Variants in GRIK2 observed in about 807,000 individuals in gnomAD.
GRIK2 encodes glutamate receptor ionotropic, kainate 2.
In GRIK2, 32 loss-of-function variants were observed where a neutral mutation model predicts 100.3. That is an observed-to-expected ratio of 0.32 (90% CI 0.24 to 0.43). GRIK2 has a LOEUF of 0.43. Ranked by LOEUF, GRIK2 falls within the 20% of genes least tolerant of loss-of-function variation. The pLI, the probability that GRIK2 is intolerant of heterozygous loss-of-function variation, is 1.00. For missense variants in GRIK2, 843 were observed against 1,114.9 expected, an observed-to-expected ratio of 0.76 and a Z score of 3.47; for synonymous variants, 417 against 389.4, an observed-to-expected ratio of 1.07 and a Z score of -0.83.
intron 7 of GRIK2, among the ~76,000 whole-genome samples, chr6:101,706,343 G>A (rs995375428): frequency 4.6e-5 from 7 of 151,830 alleles, no homozygotes; most frequent in African/African-American, 9.7e-5. Flanking sequence ...CCCGATATAT[G>A]TCTGTTGACA....
intron 8 of GRIK2, among the ~76,000 whole-genome samples, chr6:101,800,290 T>A (rs1397840353): frequency 6.6e-6 from 1 of 151,814 alleles, no homozygotes; most frequent in Non-Finnish European, 1.5e-5. Flanking sequence ...AATGCAACCA[T>A]TCTTATGACC....
chr6:102,046,631 T>G (rs943991139), intron 15 of GRIK2, among the ~76,000 whole-genome samples: 1 of 152,154 alleles, frequency 6.6e-6, no homozygotes, highest in Non-Finnish European at 1.5e-5. Context: ...ATTAAAACTC[T>G]TTTCTTCATA....
intron 12 of GRIK2, among the ~76,000 whole-genome samples, chr6:101,905,181 A>G (rs1788138470): frequency 6.6e-6 from 1 of 151,532 alleles, no homozygotes; most frequent in African/African-American, 2.4e-5. Context: ...GACAACTAGC[A>G]ATTTTTATCT....
intron 2 of GRIK2, among the ~76,000 whole-genome samples, chr6:101,584,641 G>T (rs901385266): frequency 5.3e-5 from 8 of 151,936 alleles, no homozygotes; most frequent in African/African-American, 1.9e-4. Context: ...AGCTCCTTCT[G>T]TACTGTACAA....
intron 14 of GRIK2, among the ~76,000 whole-genome samples, chr6:101,975,220 T>TAAG (rs1221238461): frequency 6.6e-6 from 1 of 151,842 alleles, no homozygotes; most frequent in African/African-American, 2.4e-5. Context: ...AGATATCTAG[T>TAAG]AAGAATATAA....
At chr6:101,569,656 TTA>T (rs1777440595) in intron 2 of GRIK2, among the ~76,000 whole-genome samples, 1 of 152,146 alleles carries the variant, frequency 6.6e-6, no homozygotes, top group Non-Finnish European at 1.5e-5. Context: ...AGGGAATTCT[TTA>T]TGTTTATGTT....
intron 14 of GRIK2, among the ~76,000 whole-genome samples, chr6:101,952,899 AT>A (rs1190668567): frequency 6.6e-6 from 1 of 152,168 alleles, no homozygotes; most frequent in African/African-American, 2.4e-5. Context: ...CTTTTTCAAC[AT>A]TTTGAAAATA....
chr6:101,792,146 C>G (rs1385332562), intron 7 of GRIK2, among the ~76,000 whole-genome samples: 1 of 151,532 alleles, frequency 6.6e-6, no homozygotes, highest in Non-Finnish European at 1.5e-5. Context: ...ACTGATGGGT[C>G]TTGACTCTTT....
chr6:101,792,247 A>G (rs971882294), intron 7 of GRIK2, among the ~76,000 whole-genome samples: 40 of 151,234 alleles, frequency 2.6e-4, no homozygotes, highest in Non-Finnish European at 5.3e-4. Context: ...TGATCCTGTC[A>G]TTATGATGAT....
chr6:101,427,071 T>C (rs1389173782), intron 2 of GRIK2, among the ~76,000 whole-genome samples: 2 of 152,158 alleles, frequency 1.3e-5, no homozygotes, highest in East Asian at 3.9e-4. Flanking sequence ...AGAGGCCCCA[T>C]GAGAGGGGCC....
intron 7 of GRIK2, among the ~76,000 whole-genome samples, chr6:101,749,672 T>C (rs1489915937): frequency 6.6e-6 from 1 of 152,144 alleles, no homozygotes; most frequent in African/African-American, 2.4e-5. Flanking sequence ...TTTTCTCTTT[T>C]TGGTAAATAA....
intron 2 of GRIK2, among the ~76,000 whole-genome samples, chr6:101,474,937 T>C (rs1772151584): frequency 6.6e-6 from 1 of 151,894 alleles, no homozygotes; most frequent in Non-Finnish European, 1.5e-5. Context: ...CAGTGATTTT[T>C]TTTCACTCAT....
At chr6:101,989,826 C>G (rs2128491879) in intron 14 of GRIK2, among the ~76,000 whole-genome samples, 1 of 151,446 alleles carries the variant, frequency 6.6e-6, no homozygotes, top group Non-Finnish European at 1.5e-5. Context: ...ATATTAGTTT[C>G]TCTATTTCCT....
At position 101,794,178 on chromosome 6, in the gene GRIK2, C is replaced by G. The variant is rs1027453471; in HGVS notation, c.952-5470C>G. 1.4e-4 allele frequency among the ~76,000 whole-genome samples: 22 copies of G among 152,258 alleles called. No homozygotes were observed. In the East Asian group the frequency reaches 3.9e-3, roughly 27 times the overall value. On this transcript the variant is annotated intron_variant, in intron 7 of 16. Transcript: ENST00000369134. Reference sequence around the variant, plus strand: ...TTGCGCTTCCTGAGTGAGGCAATGCCTCGCCCTGCTTCGGCTCGCGCACAG... The same window carrying G: ...TTGCGCTTCCTGAGTGAGGCAATGCGTCGCCCTGCTTCGGCTCGCGCACAG...
At chr6:101,708,678 T>C (rs1773504473) in intron 7 of GRIK2, among the ~76,000 whole-genome samples, 1 of 151,740 alleles carries the variant, frequency 6.6e-6, no homozygotes, top group Admixed American at 6.6e-5. Flanking sequence ...TCCATAAGAG[T>C]ATTTATATTT....
Position 101,470,628 on chromosome 6 carries a change from G to A in GRIK2, c.115+71236G>A, listed in dbSNP as rs142629906. ...TCTCCTTTTATATCCTGGGGATGGG[G>A]GAAGAGTAGGGTGATGGTTCAAGCC... On this transcript the variant is annotated intron_variant, in intron 2 of 16. Coordinates refer to ENST00000369134, the MANE Select transcript of GRIK2 (RefSeq NM_021956.5). Among the ~76,000 whole-genome samples the A allele has an allele frequency of 4.5e-3, 684 of 152,168 alleles. 3 individuals carry two copies. Among genetic ancestry groups the A allele is most frequent in the African/African-American group, 0.015 (633 of 41,524 alleles).
intron 14 of GRIK2, among the ~76,000 whole-genome samples, chr6:102,025,535 AG>A (rs1197321079): frequency 1.3e-5 from 2 of 151,248 alleles, no homozygotes; most frequent in Non-Finnish European, 3.0e-5. Context: ...TGGAGAAGCG[AG>A]GCACATGGAT....
rs368042331 is a variant in GRIK2 at position 102,018,762 on chromosome 6, G to T, written c.2086-16579G>T. Among the ~76,000 whole-genome samples, 59 of 152,026 alleles carry T rather than the reference G, an allele frequency of 3.9e-4. 1 individual carries two copies. Among genetic ancestry groups the T allele is most frequent in the African/African-American group, 1.4e-3 (58 of 41,502 alleles). On this transcript the variant is annotated intron_variant, in intron 14 of 16. Coordinates refer to ENST00000369134, the MANE Select transcript of GRIK2 (RefSeq NM_021956.5). ...CTTCAATTTGTTTACCTTTTTACTT[G>T]GTAAGACATAATAAAGACTTTTGAG...
chr6:102,016,749 A>G (rs890170524), intron 14 of GRIK2, among the ~76,000 whole-genome samples: 1 of 152,128 alleles, frequency 6.6e-6, no homozygotes, highest in Non-Finnish European at 1.5e-5. Flanking sequence ...CAAGAGGCCA[A>G]CAATCAAATT....
Sources: allele counts gnomAD v4.1 joint callset (sites outside exome capture counted in the v4.1 genomes callset), GRCh38; gene constraint gnomAD v4.1.1; transcripts MANE v1.5; gene names NCBI Gene and HGNC (gene_info 2026-07-23, HGNC 2026-07-21).